The following CR1L variants were observed in gnomAD, a reference collection of about 807,000 sequenced individuals.
CR1L encodes complement component receptor 1-like protein.
A neutral mutation model predicts 62.3 loss-of-function variants in CR1L; 59 were observed. That is an observed-to-expected ratio of 0.95 (90% CI 0.77 to 1.18). The LOEUF is 1.18. CR1L is among the 50% of genes most tolerant of loss of function. The pLI is 0.00. For missense variants in CR1L, 700 were observed against 702.8 expected (o/e 1.00, Z 0.04); for synonymous variants, 279 against 248.7 (o/e 1.12, Z -1.15).
rs376987582 is a variant in CR1L, at chr1:207,678,218, C to T, written c.298C>T (p.Pro100Ser). The change falls in exon 3 of 12, where the codon CCA (proline) becomes TCA (serine). Residue 100 changes from proline to serine, a missense_variant. By Grantham distance (74) the Pro-to-Ser change is moderately conservative (BLOSUM62 -1). Transcript: ENST00000508064. ...TGTAGGTAAATCATGTCGTAATCCT[C>T]CAGATCCTGTGAATGGCATGGCACA... ...KCKRKSCRNPPDPVNGMAHVI... is the reference protein window; with the variant it reads ...KCKRKSCRNPSDPVNGMAHVI... 1 of 1,613,702 alleles carries T rather than the reference C, an allele frequency of 6.2e-7. No individual in the cohort carries two copies. The highest frequency in any genetic ancestry group is 8.5e-7 in the Non-Finnish European group (1 of 1,179,638).
At chr1:207,703,837 C>A (rs895157856) in intron 9 of CR1L, among the ~76,000 whole-genome samples, 1 of 152,032 alleles carries the variant, frequency 6.6e-6, no homozygotes, top group African/African-American at 2.4e-5. Flanking sequence ...GCCTGTAGTC[C>A]CAACTACTCA....
intron 9 of CR1L, chr1:207,701,826 T>TA (rs1664197203): frequency 1.0e-5 from 8 of 783,696 alleles, no homozygotes; most frequent in Non-Finnish European, 1.8e-5. Context: ...AGTGCACACA[T>TA]AAAGAGTATG....
chr1:207,659,688 A>G (rs1370597695), intron 1 of CR1L, among the ~76,000 whole-genome samples: 1 of 152,170 alleles, frequency 6.6e-6, no homozygotes, highest in Non-Finnish European at 1.5e-5. Flanking sequence ...GGCAAGCTGA[A>G]GCAGAGCGGG....
At chr1:207,721,243 C>A (rs1170970922) in intron 11 of CR1L, among the ~76,000 whole-genome samples, 1 of 151,826 alleles carries the variant, frequency 6.6e-6, no homozygotes, top group Non-Finnish European at 1.5e-5. Flanking sequence ...GCACATTGTG[C>A]AGGTTAGTTA....
intron 10 of CR1L, among the ~76,000 whole-genome samples, chr1:207,712,122 A>G (rs1020652437): frequency 2.0e-5 from 3 of 152,202 alleles, no homozygotes; most frequent in African/African-American, 7.2e-5. Flanking sequence ...GTGAGGCAAG[A>G]ACCCTTCCAG....
At position 207,684,679 on chromosome 1, in the gene CR1L, T is replaced by C. The variant is rs146488770; in HGVS notation, c.463+722T>C. Reference sequence around the variant, plus strand: ...CATGGTATTCAGCCATAAAAAATGATAGCATAAAGAAGCACTTAATGACTA... The same window carrying C: ...CATGGTATTCAGCCATAAAAAATGACAGCATAAAGAAGCACTTAATGACTA... On this transcript the variant is annotated intron_variant, in intron 4 of 11. Transcript: ENST00000508064. Among the ~76,000 whole-genome samples the C allele has an allele frequency of 3.9e-3, 590 of 152,252 alleles. 2 individuals are homozygous for C. Among genetic ancestry groups the C allele is most frequent in the African/African-American group, 0.013 (552 of 41,540 alleles).
At chr1:207,647,785 T>C (rs1306574675) in intron 1 of CR1L, among the ~76,000 whole-genome samples, 1 of 152,198 alleles carries the variant, frequency 6.6e-6, no homozygotes. Context: ...CCCCTGTTTA[T>C]GTTGACTCTG....
intron 1 of CR1L, among the ~76,000 whole-genome samples, chr1:207,666,200 G>A (rs1663521897): frequency 1.3e-5 from 2 of 152,142 alleles, no homozygotes. Context: ...ATTGACTCCT[G>A]TCTCTACCAA....
intron 9 of CR1L, among the ~76,000 whole-genome samples, chr1:207,707,454 AC>A (rs1262144337): frequency 6.6e-6 from 1 of 152,090 alleles, no homozygotes; most frequent in Admixed American, 6.6e-5. Context: ...GTGGTGAAAC[AC>A]CATCTCTACT....
intron 10 of CR1L, chr1:207,710,788 T>C: frequency 6.3e-7 from 1 of 1,592,696 alleles, no homozygotes; most frequent in South Asian, 1.1e-5. Flanking sequence ...TCCAGGGGTG[T>C]GTTTGCCTGA....
intron 9 of CR1L, among the ~76,000 whole-genome samples, chr1:207,706,683 C>G (rs1664272873): frequency 6.6e-6 from 1 of 152,154 alleles, no homozygotes; most frequent in African/African-American, 2.4e-5. Context: ...TTGAGCCAAG[C>G]TAATATTCAC....
Position 207,719,260 on chromosome 1 carries a change from TAA to T in CR1L, c.1642+1580_1642+1581del, listed in dbSNP as rs55749463. 5.4e-3 allele frequency among the ~76,000 whole-genome samples: 728 copies of T among 135,378 alleles called. 8 individuals carry two copies. Among genetic ancestry groups the T allele is most frequent in the East Asian group, 0.011 (52 of 4,696 alleles). The allele number at this position is 135,378 out of a possible 152,430, so 88.8% of individuals were successfully genotyped here. A position where few individuals can be genotyped will look rare whatever the true frequency, so the allele number is the denominator to read the frequency against. On this transcript the variant is annotated intron_variant, in intron 11 of 11. Transcript: ENST00000508064. ...GTACCCTAAAACTTAAAGTATAATT[TAA>T]AAAAAAAAAACATTAAAAAAAAAAA...
chr1:207,649,695 C>A (rs550673536), intron 1 of CR1L, among the ~76,000 whole-genome samples: 3 of 152,218 alleles, frequency 2.0e-5, no homozygotes, highest in African/African-American at 7.2e-5. Context: ...GGAATGTATT[C>A]TTGGGTTCTG....
chr1:207,707,785 T>TTATTACACACACACAC (rs1664290412), intron 9 of CR1L, among the ~76,000 whole-genome samples: 2 of 126,706 alleles, frequency 1.6e-5, no homozygotes, highest in Non-Finnish European at 3.3e-5. Context: ...GGCATAGTAT[T>TTATTACACACACACAC]ACACACACAC....
At chr1:207,682,413 A>G (rs1337830855) in intron 3 of CR1L, among the ~76,000 whole-genome samples, 1 of 152,260 alleles carries the variant, frequency 6.6e-6, no homozygotes, top group East Asian at 1.9e-4. Context: ...TGGAGGTTGC[A>G]GTGACATTGC....
chr1:207,682,707 T>C (rs1254544607), intron 3 of CR1L, among the ~76,000 whole-genome samples: 1 of 152,204 alleles, frequency 6.6e-6, no homozygotes, highest in African/African-American at 2.4e-5. Flanking sequence ...TACTTGACAT[T>C]GCTTCATTCA....
intron 9 of CR1L, among the ~76,000 whole-genome samples, chr1:207,706,155 C>T (rs1463765838): frequency 6.6e-6 from 1 of 151,740 alleles, no homozygotes; most frequent in African/African-American, 2.4e-5. Context: ...GGCACAGTGG[C>T]TCACACCTGT....
intron 4 of CR1L, 134 bp from the exon 5 acceptor site, chr1:207,694,219 C>T (rs546956579): frequency 7.9e-5 from 90 of 1,136,502 alleles, no homozygotes; most frequent in Middle Eastern, 5.3e-4. Flanking sequence ...ACCAAAATTA[C>T]AACTTTGTAA....
chr1:207,708,877 G>T lies in CR1L; in HGVS notation c.1414+614G>T, dbSNP rs149481818. 1.5e-3 allele frequency: 602 copies of T among 403,968 alleles called. 3 individuals carry two copies. The highest frequency in any genetic ancestry group is 0.011 in the Admixed American group (416 of 37,698). The allele number at this position is 403,968 out of a possible 1,614,324, so 25.0% of individuals were successfully genotyped here. A position where few individuals can be genotyped will look rare whatever the true frequency, so the allele number is the denominator to read the frequency against. ...AAGTGGGAACAAACTTTGTAGAAGG[G>T]CAATATACTGGCTGGGCACTGCCCT... On this transcript the variant is annotated intron_variant, in intron 10 of 11. Coordinates refer to ENST00000508064, the MANE Select transcript of CR1L (RefSeq NM_175710.2).
Sources: allele counts gnomAD v4.1 joint callset (sites outside exome capture counted in the v4.1 genomes callset), GRCh38; gene constraint gnomAD v4.1.1; transcripts MANE v1.5; gene names NCBI Gene and HGNC (gene_info 2026-07-23, HGNC 2026-07-21).